Variants in GRIN2B observed in about 807,000 individuals in gnomAD.
GRIN2B encodes the protein glutamate ionotropic receptor NMDA type subunit 2B.
A neutral mutation model predicts 114.5 loss-of-function variants in GRIN2B; 5 were observed. The ratio of observed to expected loss-of-function variants is 0.04; its 90% confidence interval spans 0.02 to 0.09. GRIN2B has a LOEUF of 0.09. Ranked by LOEUF, GRIN2B falls within the 10% of genes least tolerant of loss-of-function variation. The pLI is 1.00. For synonymous variants in GRIN2B, 787 were observed against 745.1 expected, an observed-to-expected ratio of 1.06 and a Z score of -0.92; for missense variants, 1,108 against 1,943.5, an observed-to-expected ratio of 0.57 and a Z score of 8.08.
chr12:13,972,515 A>G (rs1862943289), intron 2 of GRIN2B, among the ~76,000 whole-genome samples: 1 of 37,012 alleles, frequency 2.7e-5, no homozygotes, highest in Admixed American at 3.6e-4. Flanking sequence ...GACCCATTAC[A>G]TATAAGAGAG....
At chr12:13,956,475 TTCTC>T (rs1235248121) in intron 2 of GRIN2B, among the ~76,000 whole-genome samples, 4 of 152,200 alleles carry the variant, frequency 2.6e-5, no homozygotes, top group African/African-American at 7.2e-5. Flanking sequence ...CAGTAACTCT[TTCTC>T]TCTGTCACAG....
intron 11 of GRIN2B, among the ~76,000 whole-genome samples, chr12:13,570,483 G>A (rs997747657): frequency 5.3e-5 from 8 of 152,180 alleles, no homozygotes; most frequent in Non-Finnish European, 1.0e-4. Flanking sequence ...TTGTGGTCAG[G>A]AAGGTTCCAG....
At position 13,562,993 on chromosome 12, in the gene GRIN2B, C is replaced by T. The variant is rs150956675; in HGVS notation, c.4245G>A (p.Ser1415=). 3.4e-5 allele frequency: 55 copies of T among 1,613,380 alleles called. No individual in the cohort carries two copies. Among genetic ancestry groups the T allele is most frequent in the Middle Eastern group, 3.3e-4 (2 of 6,080 alleles). ...FFRQPTVAGA[S]KARPDFRALV... ...GGGCCCGGAAGTCCGGCCTGGCTTT[C>T]GACGCCCCCGCCACCGTGGGCTGCC... Residue 1415 remains serine, a synonymous_variant, in exon 14 of 14, where the codon TCG becomes TCA. Coordinates refer to ENST00000609686, the MANE Select transcript of GRIN2B (RefSeq NM_000834.5).
In GRIN2B at chr12:13,615,432, A is replaced by G. The variant is rs1483255972; in HGVS notation, c.1500+61T>C. Reference sequence around the variant, plus strand: ...CATAAAGTGAGCACGTTTTAAACTTATATTTAGAAGAAGGAAAATAAATGA... The same window carrying G: ...CATAAAGTGAGCACGTTTTAAACTTGTATTTAGAAGAAGGAAAATAAATGA... On this transcript the variant is annotated intron_variant, in intron 7 of 13. Coordinates refer to ENST00000609686, the MANE Select transcript of GRIN2B (RefSeq NM_000834.5). This position sits in a 1 kb window ranked among gnomAD's most constrained non-coding sequence, Gnocchi z 5.8. 1 of 1,506,782 alleles carries G rather than the reference A, an allele frequency of 6.6e-7. No individual in the cohort carries two copies. The highest frequency in any genetic ancestry group is 9.2e-7 in the Non-Finnish European group (1 of 1,082,186). 93.3% of individuals were successfully genotyped at this position (1,506,782 alleles called of 1,614,324 possible). A position where few individuals can be genotyped will look rare whatever the true frequency, so the allele number is the denominator to read the frequency against.
In GRIN2B at chr12:13,555,613, CTTGG is replaced by C. The variant is rs1415342851; in HGVS notation, c.*7166_*7169del. On this transcript the variant is annotated 3_prime_UTR_variant, in exon 14 of 14. Coordinates refer to ENST00000609686, the MANE Select transcript of GRIN2B (RefSeq NM_000834.5). Reference sequence around the variant, plus strand: ...GGTCAGAGCATAGGGAAGAGGAGCACTTGGTTGGGAGAAAGGATGGAAAAGATGT... The same window carrying C: ...GGTCAGAGCATAGGGAAGAGGAGCACTTGGGAGAAAGGATGGAAAAGATGT... 6.6e-6 allele frequency: 1 copy of C among 151,950 alleles called. No homozygotes were observed. Among genetic ancestry groups the C allele is most frequent in the African/African-American group, 2.4e-5 (1 of 41,342 alleles). The allele number at this position is 151,950 out of a possible 1,614,324, so 9.4% of individuals were successfully genotyped here.
chr12:13,981,290 C>CAAAGGAGAGA (rs1863133169), intron 1 of GRIN2B, 52 bp downstream of exon 1: 2 of 152,498 alleles, frequency 1.3e-5, no homozygotes, highest in South Asian at 4.1e-4. Context: ...CTGCCTGACA[C>CAAAGGAGAGA]CCCCAAACCC....
intron 3 of GRIN2B, among the ~76,000 whole-genome samples, chr12:13,759,745 A>T (rs2136635464): frequency 6.6e-6 from 1 of 152,326 alleles, no homozygotes; most frequent in Admixed American, 6.5e-5. Context: ...CTCAACAAAG[A>T]AGGATGATCT....
At position 13,564,448 on chromosome 12, in the gene GRIN2B, G is replaced by C. The variant is rs201085200; in HGVS notation, c.2790C>G (p.Ser930=). 6.2e-7 allele frequency: 1 copy of C among 1,614,070 alleles called. No homozygotes were observed. The highest frequency in any genetic ancestry group is 8.5e-7 in the Non-Finnish European group (1 of 1,180,008). The stretch of plus-strand genomic sequence containing the variant: ...GGCGGTGCTCTGAGATGTCATAGAC[G>C]GATGACTCCCGTCGGATGAAGTCCA... The part of the protein sequence containing the change: ...SALDFIRRES[S]VYDISEHRRS... The change falls in exon 14 of 14, where the codon TCC becomes TCG. Residue 930 remains serine, a synonymous_variant. Transcript: ENST00000609686. The surrounding 1 kb of genome is among the most constrained non-coding windows in gnomAD (Gnocchi z 4.8).
intron 2 of GRIN2B, among the ~76,000 whole-genome samples, chr12:13,868,766 C>A (rs921651418): frequency 2.0e-5 from 3 of 152,158 alleles, no homozygotes; most frequent in Non-Finnish European, 4.4e-5. Flanking sequence ...AGTTGTGACA[C>A]CCAAAGAATA....
chr12:13,646,693 G>A (rs776652172), intron 5 of GRIN2B, among the ~76,000 whole-genome samples: 18 of 147,926 alleles, frequency 1.2e-4, no homozygotes, highest in Non-Finnish European at 2.2e-4. Flanking sequence ...TCTTATTTCC[G>A]TATTTATTTT....
chr12:13,720,482 G>T (rs1306472893), intron 4 of GRIN2B, among the ~76,000 whole-genome samples: 1 of 152,086 alleles, frequency 6.6e-6, no homozygotes, highest in African/African-American at 2.4e-5. Flanking sequence ...TTCACCAACA[G>T]TGCATTAAGC....
At chr12:13,824,512 C>G (rs1864994365) in intron 3 of GRIN2B, among the ~76,000 whole-genome samples, 1 of 152,244 alleles carries the variant, frequency 6.6e-6, no homozygotes, top group South Asian at 2.1e-4. Flanking sequence ...TTTATCTCCT[C>G]AGTTCTGAGC....
At chr12:13,794,038 C>CAAA (rs59335663) in intron 3 of GRIN2B, among the ~76,000 whole-genome samples, 93 of 78,960 alleles carry the variant, frequency 1.2e-3, no homozygotes, top group Non-Finnish European at 1.5e-3. Context: ...CCCATCTCTA[C>CAAA]AAAAAAAAAA....
At chr12:13,740,006 G>C (rs1288877376) in intron 4 of GRIN2B, among the ~76,000 whole-genome samples, 1 of 152,130 alleles carries the variant, frequency 6.6e-6, no homozygotes, top group East Asian at 1.9e-4. Context: ...ATGAAGTTTT[G>C]AGTTTGCAGG....
At chr12:13,590,276 G>T (rs902201331) in intron 10 of GRIN2B, among the ~76,000 whole-genome samples, 1 of 151,942 alleles carries the variant, frequency 6.6e-6, no homozygotes, top group Non-Finnish European at 1.5e-5. Flanking sequence ...GAACGTGCAG[G>T]TTTGTTACAT....
chr12:13,910,972 A>G (rs1866618833), intron 2 of GRIN2B, among the ~76,000 whole-genome samples: 1 of 152,020 alleles, frequency 6.6e-6, no homozygotes, highest in South Asian at 2.1e-4. Context: ...TTGTCTAGCC[A>G]TCAAACTTCA....
intron 4 of GRIN2B, among the ~76,000 whole-genome samples, chr12:13,739,287 A>G (rs1045335027): frequency 6.8e-5 from 10 of 147,666 alleles, no homozygotes; most frequent in African/African-American, 2.5e-4. Context: ...AGGCAGGAGA[A>G]TCGCTGAACC....
rs1265102247 is a variant in GRIN2B, at chr12:13,540,030, G to A, written c.*22753C>T. 6.6e-6 allele frequency: 1 copy of A among 152,190 alleles called. No individual in the cohort carries two copies. The highest frequency in any genetic ancestry group is 1.5e-5 in the Non-Finnish European group (1 of 68,038). 9.4% of individuals were successfully genotyped at this position (152,190 alleles called of 1,614,324 possible). A position where few individuals can be genotyped will look rare whatever the true frequency, so the allele number is the denominator to read the frequency against. On this transcript the variant is annotated 3_prime_UTR_variant, in exon 14 of 14. Coordinates refer to ENST00000609686, the MANE Select transcript of GRIN2B (RefSeq NM_000834.5). The stretch of plus-strand genomic sequence containing the variant: ...GGATTTGTTTCAGAATAATACATGA[G>A]GGGGAGATGAGTGTAACCAAGGGCT...
chr12:13,809,954 C>T (rs1864695275), intron 3 of GRIN2B, among the ~76,000 whole-genome samples: 1 of 152,286 alleles, frequency 6.6e-6, no homozygotes, highest in African/African-American at 2.4e-5. Context: ...AGTCTTTCTG[C>T]TCTAGTCAGG....
Sources: gnomAD v4.1 joint callset for allele counts (sites outside exome capture counted in the v4.1 genomes callset) on GRCh38, gnomAD v4.1.1 for gene constraint, Gnocchi (gnomAD v3.1) non-coding constraint, MANE v1.5 for transcripts, NCBI Gene and HGNC (gene_info 2026-07-23, HGNC 2026-07-21) for gene names.